Variants in FRZB observed in about 807,000 individuals in gnomAD.
FRZB encodes secreted frizzled-related protein 3.
A neutral mutation model predicts 32.5 loss-of-function variants in FRZB; 34 were observed. That is an observed-to-expected ratio of 1.05 (90% CI 0.80 to 1.39). FRZB has a LOEUF of 1.39. Ranked by LOEUF, FRZB falls within the 40% of genes most tolerant of loss-of-function variation. The pLI is 0.00. For synonymous variants in FRZB, 170 were observed against 159.2 expected, an observed-to-expected ratio of 1.07 and a Z score of -0.51; for missense variants, 423 against 424.8, an observed-to-expected ratio of 1.00 and a Z score of 0.04.
At position 182,833,790 on chromosome 2, in the gene FRZB, C is replaced by T. The variant is rs1456267833; in HGVS notation, c.*1059G>A. Reference sequence around the variant, plus strand: ...TTTGCAGGCCTGTATTTTAATCCACCTTGGGTGTGAGTGCAAGGACACACA... The same window carrying T: ...TTTGCAGGCCTGTATTTTAATCCACTTTGGGTGTGAGTGCAAGGACACACA... On this transcript the variant is annotated 3_prime_UTR_variant, in exon 6 of 6. Transcript: ENST00000295113. 1.3e-5 allele frequency: 2 copies of T among 152,042 alleles called. No homozygotes were observed. The highest frequency in any genetic ancestry group is 1.9e-4 in the East Asian group (1 of 5,174). The allele number at this position is 152,042 out of a possible 1,614,324, so 9.4% of individuals were successfully genotyped here.
In FRZB at chr2:182,834,673, GAGAGA is replaced by G; in HGVS notation, c.*171_*175del. 1 of 616,190 alleles carries G rather than the reference GAGAGA, an allele frequency of 1.6e-6. No individual in the cohort carries two copies. The highest frequency in any genetic ancestry group is 2.9e-6 in the Non-Finnish European group (1 of 340,530). 38.2% of individuals were successfully genotyped at this position (616,190 alleles called of 1,614,324 possible). On this transcript the variant is annotated 3_prime_UTR_variant, in exon 6 of 6. Transcript: ENST00000295113. ...GCCCCCAAACCATTACAAAGGGGTTGAGAGAAGAGAGAAGCAGAAACCAAAAGAGA... is the reference window on the plus strand; with the variant it reads ...GCCCCCAAACCATTACAAAGGGGTTGAGAGAGAAGCAGAAACCAAAAGAGA...
intron 2 of FRZB, among the ~76,000 whole-genome samples, chr2:182,850,750 A>C (rs546347190): frequency 1.3e-5 from 2 of 152,190 alleles, no homozygotes; most frequent in Non-Finnish European, 2.9e-5. Context: ...CCAGTAATAA[A>C]ATTGCTGGAT....
chr2:182,861,205 ACAGATT>A (rs1278550549), intron 1 of FRZB, among the ~76,000 whole-genome samples: 1 of 152,238 alleles, frequency 6.6e-6, no homozygotes, highest in East Asian at 1.9e-4. Context: ...GCAAAGAATA[ACAGATT>A]CTCTAGAAAG....
chr2:182,850,016 G>A (rs1695692455), intron 2 of FRZB, among the ~76,000 whole-genome samples: 1 of 152,188 alleles, frequency 6.6e-6, no homozygotes, highest in African/African-American at 2.4e-5. Flanking sequence ...AGAGGTGAAA[G>A]GAAAGGGAGT....
At chr2:182,843,520 A>C (rs1695607290) in intron 2 of FRZB, among the ~76,000 whole-genome samples, 1 of 152,192 alleles carries the variant, frequency 6.6e-6, no homozygotes, top group Non-Finnish European at 1.5e-5. Context: ...GCCCCTGAGA[A>C]AGCTTTAGTA....
At chr2:182,859,539 A>G (rs2105763595) in intron 1 of FRZB, among the ~76,000 whole-genome samples, 1 of 152,272 alleles carries the variant, frequency 6.6e-6, no homozygotes, top group East Asian at 1.9e-4. Flanking sequence ...CTAGCAATAT[A>G]TCCTTATTGA....
At chr2:182,843,612 A>T (rs930280242) in intron 2 of FRZB, among the ~76,000 whole-genome samples, 1 of 152,162 alleles carries the variant, frequency 6.6e-6, no homozygotes, top group Non-Finnish European at 1.5e-5. Flanking sequence ...TCAACAAAAA[A>T]AGTTTCACTT....
chr2:182,844,268 G>A (rs1166212964), intron 2 of FRZB, among the ~76,000 whole-genome samples: 1 of 152,114 alleles, frequency 6.6e-6, no homozygotes, highest in Middle Eastern at 3.2e-3. Flanking sequence ...AGTAACATTA[G>A]TGCTTGTTGC....
chr2:182,859,440 T>C (rs1346995233), intron 1 of FRZB, among the ~76,000 whole-genome samples: 1 of 152,166 alleles, frequency 6.6e-6, no homozygotes, highest in Non-Finnish European at 1.5e-5. Context: ...AAAATAGTAA[T>C]GATAAAGGTT....
Position 182,833,481 on chromosome 2 carries a change from G to GT in FRZB, c.*1367dup, listed in dbSNP as rs1365124362. 3.9e-5 allele frequency: 6 copies of GT among 152,230 alleles called. No individual in the cohort carries two copies. The highest frequency in any genetic ancestry group is 9.6e-5 in the African/African-American group (4 of 41,548). The allele number at this position is 152,230 out of a possible 1,614,324, so 9.4% of individuals were successfully genotyped here. A position where few individuals can be genotyped will look rare whatever the true frequency, so the allele number is the denominator to read the frequency against. ...AAACCCATTCGAAACTGAAAATATC[G>GT]TAAGTTGAAATGCATTGGGTTACAT... On this transcript the variant is annotated 3_prime_UTR_variant, in exon 6 of 6. Coordinates refer to ENST00000295113, the MANE Select transcript of FRZB (RefSeq NM_001463.4).
chr2:182,834,738 A>G lies in FRZB; in HGVS notation c.*111T>C. 1.3e-6 allele frequency: 1 copy of G among 780,266 alleles called. No individual in the cohort carries two copies. The highest frequency in any genetic ancestry group is 2.3e-4 in the Middle Eastern group (1 of 4,288). 48.3% of individuals were successfully genotyped at this position (780,266 alleles called of 1,614,324 possible). ...AATAATCAGTTATCACATGATTTTT[A>G]TAGTAAACAATAGAATATGATGTGC... On this transcript the variant is annotated 3_prime_UTR_variant, in exon 6 of 6. Transcript: ENST00000295113.
Position 182,866,105 on chromosome 2 carries a change from G to C in FRZB, c.448C>G (p.Pro150Ala). 6.2e-7 allele frequency: 1 copy of C among 1,613,664 alleles called. No individual in the cohort carries two copies. The highest frequency in any genetic ancestry group is 8.5e-7 in the Non-Finnish European group (1 of 1,179,698). Residue 150 changes from proline (P) to alanine (A), a missense_variant, in exon 1 of 6, where the codon CCC becomes GCC. Transcript: ENST00000295113. This position sits in a 1 kb window ranked among gnomAD's most constrained non-coding sequence, Gnocchi z 4.5. ...CCGTCCGCAGTAACGATGGCCTCGGGAGAGATGCACACGCCCCTGTCGTAC... is the reference window on the plus strand; with the variant it reads ...CCGTCCGCAGTAACGATGGCCTCGGCAGAGATGCACACGCCCCTGTCGTAC... ...PVYDRGVCIS[P>A]EAIVTADGAD... is the part of the protein sequence containing the mutation.
At chr2:182,851,600 G>A (rs1233895182) in intron 2 of FRZB, among the ~76,000 whole-genome samples, 2 of 151,896 alleles carry the variant, frequency 1.3e-5, no homozygotes, top group Non-Finnish European at 2.9e-5. Flanking sequence ...AGGTTGCAGT[G>A]AGCTGAGATC....
chr2:182,864,634 T>C (rs1695870310), intron 1 of FRZB, among the ~76,000 whole-genome samples: 1 of 152,178 alleles, frequency 6.6e-6, no homozygotes, highest in African/African-American at 2.4e-5. Flanking sequence ...CTTCTGTTTA[T>C]TTTTTTTCCT....
chr2:182,848,599 G>A (rs1382581214), intron 2 of FRZB, among the ~76,000 whole-genome samples: 1 of 152,052 alleles, frequency 6.6e-6, no homozygotes, highest in Non-Finnish European at 1.5e-5. Context: ...TGGTGTCAAT[G>A]ATGAAAGGGA....
chr2:182,838,644 A>C (rs1440726889), intron 3 of FRZB, 31 bp from the exon 4 acceptor site: 1 of 1,574,746 alleles, frequency 6.4e-7, no homozygotes, highest in African/African-American at 1.4e-5. Context: ...AGCTGATAAT[A>C]ATATGACACA....
At position 182,837,529 on chromosome 2, in the gene FRZB, C is replaced by T. The variant is rs556094409; in HGVS notation, c.861+419G>A. Among the ~76,000 whole-genome samples the T allele has an allele frequency of 2.0e-5, 3 of 152,124 alleles. No homozygotes were observed. In the East Asian group the frequency reaches 5.8e-4, roughly 29 times the overall value. ...ATGAGGCTCTTGGAAATCCCTTTTA[C>T]CTCCTCTTTTTCCTGCCTGAAATGT... On this transcript the variant is annotated intron_variant, in intron 5 of 5. Transcript: ENST00000295113.
chr2:182,863,521 T>C (rs1205413139), intron 1 of FRZB, among the ~76,000 whole-genome samples: 1 of 152,246 alleles, frequency 6.6e-6, no homozygotes, highest in Non-Finnish European at 1.5e-5. Flanking sequence ...TGATATACTA[T>C]GAGAGAACAG....
At chr2:182,836,412 T>C (rs1304686910) in intron 5 of FRZB, among the ~76,000 whole-genome samples, 3 of 152,112 alleles carry the variant, frequency 2.0e-5, no homozygotes, top group African/African-American at 7.2e-5. Context: ...CATATGAATT[T>C]AAAATTGTTC....
Sources: allele counts gnomAD v4.1 joint callset (sites outside exome capture counted in the v4.1 genomes callset), GRCh38; gene constraint gnomAD v4.1.1; non-coding constraint Gnocchi (gnomAD v3.1); transcripts MANE v1.5; gene names NCBI Gene and HGNC (gene_info 2026-07-23, HGNC 2026-07-21).